HMGN5: variants seen among roughly 807,000 people sequenced by gnomAD.
HMGN5 encodes the protein high mobility group nucleosome binding domain 5.
Under a neutral mutation model 9.5 loss-of-function variants are expected in HMGN5, and 4 were observed. That is an observed-to-expected ratio of 0.42 (90% confidence interval 0.21 to 0.96). The LOEUF is 0.96. Among genes scored for constraint, HMGN5 ranks in the 40% least tolerant of loss-of-function variants. The probability of loss-of-function intolerance (pLI) is 0.30; values close to 1 mark genes in which losing one functional copy is unlikely to be tolerated. For missense variants in HMGN5, 192 were observed against 187.5 expected, an observed-to-expected ratio of 1.02 and a Z score of -0.14; for synonymous variants, 55 against 57.1, an observed-to-expected ratio of 0.96 and a Z score of 0.16.
At chrX:81,124,065 A>T (rs2075276346) in intron 1 of HMGN5, among the ~76,000 whole-genome samples, 1 of 112,550 alleles carries the variant, frequency 8.9e-6, no homozygotes, top group Non-Finnish European at 1.9e-5. Flanking sequence ...TGTGCAGGTC[A>T]GTGAGCTCTA....
At chrX:81,120,510 T>A (rs1450063628) in intron 2 of HMGN5, among the ~76,000 whole-genome samples, 1 of 111,292 alleles carries the variant, frequency 9.0e-6, no homozygotes, top group Non-Finnish European at 1.9e-5. Flanking sequence ...AGCAGCCCTT[T>A]AGCCTGAGAA....
intron 1 of HMGN5, among the ~76,000 whole-genome samples, chrX:81,201,159 G>A (rs2075525664): frequency 9.1e-6 from 1 of 110,342 alleles, no homozygotes; most frequent in South Asian, 3.9e-4. Flanking sequence ...AAACAGCAAA[G>A]GAAAAGAAGT....
At chrX:81,126,462 C>CT (rs1238328821) in intron 1 of HMGN5, among the ~76,000 whole-genome samples, 1 of 111,533 alleles carries the variant, frequency 9.0e-6, no homozygotes, top group Non-Finnish European at 1.9e-5. Context: ...AGAAAAACTA[C>CT]TTTTTACCTT....
intron 1 of HMGN5, among the ~76,000 whole-genome samples, chrX:81,153,161 T>TA (rs915112006): frequency 9.3e-6 from 1 of 107,679 alleles, no homozygotes. Context: ...TTAAAAAAAA[T>TA]AAAAAAATAA....
intron 1 of HMGN5, among the ~76,000 whole-genome samples, chrX:81,192,367 T>G (rs1309672736): frequency 8.9e-6 from 1 of 111,908 alleles, no homozygotes; most frequent in Non-Finnish European, 1.9e-5. Context: ...TTGGCATTAT[T>G]TATTCTTTAA....
intron 1 of HMGN5, among the ~76,000 whole-genome samples, chrX:81,139,806 A>G (rs1052717232): frequency 8.9e-6 from 1 of 112,296 alleles, no homozygotes; most frequent in East Asian, 2.8e-4. Context: ...AACCAGCCCT[A>G]GTCAGAGGGG....
At chrX:81,144,002 G>A (rs2147556217) in intron 1 of HMGN5, among the ~76,000 whole-genome samples, 1 of 111,912 alleles carries the variant, frequency 8.9e-6, no homozygotes, top group Admixed American at 9.4e-5. Flanking sequence ...GCCCAAGTCA[G>A]GGACATATAG....
intron 1 of HMGN5, among the ~76,000 whole-genome samples, chrX:81,194,246 A>G (rs964738540): frequency 9.0e-6 from 1 of 111,679 alleles, no homozygotes; most frequent in African/African-American, 3.2e-5. Flanking sequence ...TAACATTTTC[A>G]CGTTCTCAGG....
At chrX:81,165,795 T>C (rs1463732979) in intron 1 of HMGN5, among the ~76,000 whole-genome samples, 2 of 111,858 alleles carry the variant, frequency 1.8e-5, no homozygotes, top group East Asian at 5.6e-4. Context: ...ATACAAAAGC[T>C]ACATTATTCT....
rs1009341765 is a variant in HMGN5 at position 81,142,025 on chromosome X, C to T, written c.-123-20353G>A. 3.6e-5 allele frequency among the ~76,000 whole-genome samples: 4 copies of T among 111,933 alleles called. No homozygotes were observed. In the Admixed American group the frequency reaches 3.8e-4, roughly 11 times the overall value. On this transcript the variant is annotated intron_variant, in intron 1 of 6. Coordinates refer to ENST00000358130, the MANE Select transcript of HMGN5 (RefSeq NM_030763.3). ...ACAGACTGAAGTAATTAAAAGGTTT[C>T]CAGCATAAATTCTGAAGCTGAGAAA...
chrX:81,146,136 C>G (rs1246507178), intron 1 of HMGN5, among the ~76,000 whole-genome samples: 2 of 111,537 alleles, frequency 1.8e-5, no homozygotes, highest in Non-Finnish European at 3.8e-5. Context: ...GAACTCAGCT[C>G]TGGACCAAGT....
chrX:81,127,952 A>G (rs2075288825), intron 1 of HMGN5, among the ~76,000 whole-genome samples: 1 of 111,362 alleles, frequency 9.0e-6, no homozygotes, highest in Non-Finnish European at 1.9e-5. Context: ...CAGCAAAGCT[A>G]GAGTACAGGA....
In HMGN5 at chrX:81,161,348, A is replaced by G. The variant is rs886330979; in HGVS notation, c.-123-39676T>C. 9.6e-4 allele frequency among the ~76,000 whole-genome samples: 107 copies of G among 111,275 alleles called. 2 individuals carry two copies. The highest frequency in any genetic ancestry group is 3.4e-3 in the African/African-American group (103 of 30,257). ...AGATATATGAATGAATAAGCCTTCA[A>G]ATGCTCCTATCCCCTAGTCTTTGAG... On this transcript the variant is annotated intron_variant, in intron 1 of 6. Coordinates refer to ENST00000358130, the MANE Select transcript of HMGN5 (RefSeq NM_030763.3).
At chrX:81,198,461 C>T (rs1245318971) in intron 1 of HMGN5, among the ~76,000 whole-genome samples, 1 of 110,724 alleles carries the variant, frequency 9.0e-6, no homozygotes, top group African/African-American at 3.3e-5. Context: ...TGATGAACAT[C>T]GATGTGAAAA....
At chrX:81,183,248 T>C (rs758299089) in intron 1 of HMGN5, among the ~76,000 whole-genome samples, 1 of 111,600 alleles carries the variant, frequency 9.0e-6, no homozygotes, top group Non-Finnish European at 1.9e-5. Flanking sequence ...TAAATTTGCA[T>C]AACTAAGAGA....
chrX:81,149,027 G>A (rs1166393606), intron 1 of HMGN5, among the ~76,000 whole-genome samples: 2 of 111,945 alleles, frequency 1.8e-5, no homozygotes, highest in African/African-American at 6.5e-5. Context: ...TACACTGTTG[G>A]TGAGAGTGTA....
Position 81,179,134 on chromosome X carries a change from A to C in HMGN5, c.-124+22603T>G, listed in dbSNP as rs781305734. On this transcript the variant is annotated intron_variant, in intron 1 of 6. Coordinates refer to ENST00000358130, the MANE Select transcript of HMGN5 (RefSeq NM_030763.3). ...AAAACTGGAAACATTCCCTTTGAAAACCGGCACAAGACAAGGATGCCCTCT... is the reference window on the plus strand; with the variant it reads ...AAAACTGGAAACATTCCCTTTGAAACCCGGCACAAGACAAGGATGCCCTCT... Among the ~76,000 whole-genome samples the C allele has an allele frequency of 7.2e-5, 8 of 111,748 alleles. No homozygotes were observed. In the South Asian group the frequency reaches 3.1e-3, roughly 43 times the overall value.
chrX:81,138,216 A>C (rs2147551644), intron 1 of HMGN5, among the ~76,000 whole-genome samples: 1 of 112,076 alleles, frequency 8.9e-6, no homozygotes, highest in East Asian at 2.8e-4. Flanking sequence ...TGGCAAACCT[A>C]ATCCAACAAT....
chrX:81,133,237 C>T (rs1004620375), intron 1 of HMGN5, among the ~76,000 whole-genome samples: 10 of 111,327 alleles, frequency 9.0e-5, no homozygotes, highest in Admixed American at 5.7e-4. Context: ...GAAAAAGGAA[C>T]GCTTATACAG....
Sources: gnomAD v4.1 joint callset for allele counts (sites outside exome capture counted in the v4.1 genomes callset) on GRCh38, gnomAD v4.1.1 for gene constraint, MANE v1.5 for transcripts, NCBI Gene and HGNC (gene_info 2026-07-23, HGNC 2026-07-21) for gene names.